FRY: variants seen among roughly 807,000 people sequenced by gnomAD.
FRY encodes FRY microtubule binding protein.
FRY carries 128 observed loss-of-function variants against 348.4 expected under a neutral mutation model. The ratio of observed to expected loss-of-function variants is 0.37; its 90% CI spans 0.32 to 0.43. The LOEUF (loss-of-function observed/expected upper bound fraction) is 0.43. Ranked by LOEUF, FRY falls within the 20% of genes least tolerant of loss-of-function variation. The pLI, the probability that FRY is intolerant of heterozygous loss-of-function variation, is 1.00. For synonymous variants in FRY, 1,370 were observed against 1,374.7 expected, an observed-to-expected ratio of 1.00 and a Z score of 0.08; for missense variants, 2,736 against 3,695.2, an observed-to-expected ratio of 0.74 and a Z score of 6.73.
chr13:32,220,579 A>G (rs1236320927), intron 36 of FRY, among the ~76,000 whole-genome samples: 1 of 152,204 alleles, frequency 6.6e-6, no homozygotes, highest in Non-Finnish European at 1.5e-5. Flanking sequence ...TGAGAAATGG[A>G]GAGTTGGTTC....
Position 32,267,373 on chromosome 13 carries a change from CTGA to C in FRY, c.8136+15_8136+17del, listed in dbSNP as rs757598667. 5.9e-5 allele frequency: 95 copies of C among 1,610,248 alleles called. 1 individual carries two copies. The South Asian group carries it at 9.9e-4, about 17-fold the overall frequency. ...TCCTTGTTTAAGGTATGTGTGCTCACTGAAAGTGCAGAGGACTTAGTTTCTAAG... is the reference window on the plus strand; with the variant it reads ...TCCTTGTTTAAGGTATGTGTGCTCACAAGTGCAGAGGACTTAGTTTCTAAG... On this transcript the variant is annotated intron_variant, in intron 55 of 60. Coordinates refer to ENST00000542859, the MANE Select transcript of FRY (RefSeq NM_023037.3).
intron 8 of FRY, 45 bp downstream of exon 8, chr13:32,131,885 C>T (rs1455711390): frequency 7.0e-7 from 1 of 1,428,108 alleles, no homozygotes; most frequent in Admixed American, 1.7e-5. Flanking sequence ...AACTTGAGCA[C>T]TTCCCTTCCT....
intron 19 of FRY, among the ~76,000 whole-genome samples, chr13:32,174,297 T>G (rs923458537): frequency 6.6e-6 from 1 of 152,196 alleles, no homozygotes; most frequent in African/African-American, 2.4e-5. Context: ...AACTTCACAG[T>G]CTTTTCTGTT....
At chr13:32,125,228 C>G (rs116215710) in intron 7 of FRY, among the ~76,000 whole-genome samples, 3,444 of 152,316 alleles carry the variant, frequency 0.023, 142 homozygotes, top group African/African-American at 0.079. Flanking sequence ...AATATATCAT[C>G]TATCAGTGGG....
chr13:32,197,765 A>C (rs530424911), intron 29 of FRY, among the ~76,000 whole-genome samples: 20 of 152,368 alleles, frequency 1.3e-4, no homozygotes, highest in Admixed American at 9.1e-4. Context: ...CCTCAGAGCC[A>C]TCTTGAGCTT....
chr13:32,251,414 A>C (rs1887077586), intron 49 of FRY, among the ~76,000 whole-genome samples: 1 of 152,242 alleles, frequency 6.6e-6, no homozygotes, highest in Admixed American at 6.5e-5. Context: ...AACTTAATAA[A>C]GTGTAAGGAA....
At chr13:32,231,362 T>G in intron 41 of FRY, 62 bp downstream of exon 41, 4 of 1,540,524 alleles carry the variant, frequency 2.6e-6, no homozygotes, top group Non-Finnish European at 3.6e-6. Context: ...ACACTGTCTC[T>G]ATATGATGAT....
At chr13:32,264,286 T>G (rs1475687822) in intron 53 of FRY, among the ~76,000 whole-genome samples, 1 of 152,148 alleles carries the variant, frequency 6.6e-6, no homozygotes, top group Non-Finnish European at 1.5e-5. Flanking sequence ...CCTCTCAAAC[T>G]CAGTATTTAC....
At chr13:32,279,162 G>T (rs1218368029) in intron 58 of FRY, among the ~76,000 whole-genome samples, 1 of 152,200 alleles carries the variant, frequency 6.6e-6, no homozygotes, top group East Asian at 1.9e-4. Context: ...CAGTCATACA[G>T]CTATTAACTG....
chr13:32,173,673 A>G, intron 19 of FRY, 124 bp downstream of exon 19: 1 of 773,362 alleles, frequency 1.3e-6, no homozygotes, highest in Non-Finnish European at 2.3e-6. Context: ...TGTTTCATTC[A>G]TTGTTAGGTT....
intron 7 of FRY, among the ~76,000 whole-genome samples, chr13:32,128,511 T>C (rs1879163056): frequency 6.6e-6 from 1 of 152,192 alleles, no homozygotes; most frequent in Non-Finnish European, 1.5e-5. Context: ...AATTAAACTA[T>C]AAACTATTCT....
chr13:32,215,204 A>AT (rs528122045), intron 35 of FRY, among the ~76,000 whole-genome samples: 10 of 152,116 alleles, frequency 6.6e-5, no homozygotes, highest in South Asian at 4.1e-4. Context: ...ATAACATTCA[A>AT]TTTTTTTAAA....
In FRY at chr13:32,159,238, TA is replaced by T. The variant is rs564951363; in HGVS notation, c.1784+1845del. ...CTAAATAACTCATTGCATCATTTCT[TA>T]AAAAAAAAAAATAAGGAAGAAGAGA... On this transcript the variant is annotated intron_variant, in intron 16 of 60. Coordinates refer to ENST00000542859, the MANE Select transcript of FRY (RefSeq NM_023037.3). Among the ~76,000 whole-genome samples, 1,246 of 145,350 alleles carry T rather than the reference TA, an allele frequency of 8.6e-3. 18 individuals are homozygous for T. Among genetic ancestry groups the T allele is most frequent in the African/African-American group, 0.027 (1,061 of 40,020 alleles).
chr13:32,274,520 C>A (rs749290655), intron 55 of FRY, among the ~76,000 whole-genome samples: 6 of 151,556 alleles, frequency 4.0e-5, no homozygotes, highest in African/African-American at 9.7e-5. Flanking sequence ...CTGGCTAACA[C>A]AGTGAAACCC....
intron 13 of FRY, among the ~76,000 whole-genome samples, chr13:32,149,355 C>A (rs943422347): frequency 4.0e-5 from 6 of 151,804 alleles, no homozygotes; most frequent in Non-Finnish European, 7.4e-5. Flanking sequence ...AAAAAATGAT[C>A]ATTTTGCAGT....
intron 46 of FRY, among the ~76,000 whole-genome samples, chr13:32,242,947 C>G (rs1032882987): frequency 2.6e-5 from 4 of 152,154 alleles, no homozygotes; most frequent in African/African-American, 9.7e-5. Flanking sequence ...ATGTCTGTCA[C>G]ATATATGTTT....
chr13:32,047,252 C>A (rs555943410), intron 1 of FRY, among the ~76,000 whole-genome samples: 4 of 152,200 alleles, frequency 2.6e-5, no homozygotes, highest in African/African-American at 9.6e-5. Flanking sequence ...TGTCTAAATC[C>A]CTCTGTAAGT....
At chr13:32,094,118 CTGAA>C (rs1051646552) in intron 2 of FRY, among the ~76,000 whole-genome samples, 9 of 152,226 alleles carry the variant, frequency 5.9e-5, no homozygotes, top group Admixed American at 5.9e-4. Flanking sequence ...ACCAGGATAT[CTGAA>C]TGTGTAGATC....
chr13:32,144,395 T>C (rs1880275470), intron 11 of FRY, among the ~76,000 whole-genome samples: 1 of 149,924 alleles, frequency 6.7e-6, no homozygotes, highest in Non-Finnish European at 1.5e-5. Context: ...CCATACTAGA[T>C]ATTAACACAT....
Sources: gnomAD v4.1 joint callset for allele counts (sites outside exome capture counted in the v4.1 genomes callset) on GRCh38, gnomAD v4.1.1 for gene constraint, MANE v1.5 for transcripts, NCBI Gene and HGNC (gene_info 2026-07-23, HGNC 2026-07-21) for gene names.